Variants in TMEM216 observed in about 807,000 individuals in gnomAD.
TMEM216 encodes cerebello-oculo-renal syndrome 2.
A neutral mutation model predicts 17.8 loss-of-function variants in TMEM216; 15 were observed. The observed-to-expected ratio is 0.84, with a 90% CI of 0.56 to 1.30. The LOEUF (loss-of-function observed/expected upper bound fraction) is 1.30. Among genes scored for constraint, TMEM216 ranks in the 50% most tolerant of loss-of-function variants. TMEM216 has a pLI of 0.00. For synonymous variants in TMEM216, 58 were observed against 73.5 expected (o/e 0.79, Z 1.08); for missense variants, 160 against 175.7 (o/e 0.91, Z 0.51).
chr11:61,398,161 C>A, intron 4 of TMEM216, 109 bp from the exon 5 acceptor site: 2 of 1,457,288 alleles, frequency 1.4e-6, no homozygotes, highest in Admixed American at 1.9e-5. Flanking sequence ...GGAAGATACT[C>A]TCCCTATCCT....
chr11:61,392,929 T>C (rs906930375), intron 1 of TMEM216: 2 of 953,346 alleles, frequency 2.1e-6, no homozygotes, highest in Non-Finnish European at 2.5e-6. Context: ...CGCCCCAACT[T>C]CCCCTCCCAA....
At position 61,393,867 on chromosome 11, in the gene TMEM216, G is replaced by A. The variant is rs747600105; in HGVS notation, c.137-17G>A. 6.2e-6 allele frequency: 10 copies of A among 1,610,548 alleles called. No individual in the cohort carries two copies. Among genetic ancestry groups the A allele is most frequent in the Non-Finnish European group, 8.5e-6 (10 of 1,177,358 alleles). On this transcript the variant is annotated splice_polypyrimidine_tract_variant and intron_variant, in intron 2 of 4. Transcript: ENST00000515837. ...CTGTTATATGCTGTTTGCAAACTCT[G>A]GCTTTTGTATTGGCAGGTGTCCTGC... is the stretch of plus-strand genomic sequence containing the variant.
chr11:61,392,925 A>G (rs894433127), intron 1 of TMEM216: 131 of 961,418 alleles, frequency 1.4e-4, no homozygotes, highest in Non-Finnish European at 1.6e-4. Context: ...TCTGCGCCCC[A>G]ACTTCCCCTC....
chr11:61,398,528 C>A lies in TMEM216; in HGVS notation c.*252C>A, dbSNP rs1858853536. On this transcript the variant is annotated 3_prime_UTR_variant, in exon 5 of 5. Coordinates refer to ENST00000515837, the MANE Select transcript of TMEM216 (RefSeq NM_001173990.3). ...AGGGGCAAGGTTATTCCCATCCTGC[C>A]CCTTCTCAGAACCAGTCCCCTGCTG... 4 of 531,670 alleles carry A rather than the reference C, an allele frequency of 7.5e-6. No homozygotes were observed. The East Asian group carries it at 1.2e-4, about 16-fold the overall frequency. 32.9% of individuals were successfully genotyped at this position (531,670 alleles called of 1,614,324 possible).
chr11:61,398,120 G>A, intron 4 of TMEM216, 145 bp downstream of exon 4: 1 of 1,392,340 alleles, frequency 7.2e-7, no homozygotes, highest in Non-Finnish European at 1.0e-6. Context: ...TGCCTTTCCT[G>A]TTTAGGGTAG....
At chr11:61,394,986 T>A (rs1858768422) in intron 3 of TMEM216, among the ~76,000 whole-genome samples, 1 of 151,848 alleles carries the variant, frequency 6.6e-6, no homozygotes, top group South Asian at 2.1e-4. Flanking sequence ...TTTAAACATT[T>A]ATTTATTTGA....
chr11:61,395,813 C>T (rs1479413024), intron 3 of TMEM216, among the ~76,000 whole-genome samples: 2 of 151,862 alleles, frequency 1.3e-5, no homozygotes, highest in African/African-American at 4.8e-5. Context: ...TGACAAGATG[C>T]TCAAACTCGC....
chr11:61,398,205 G>A (rs999429744), intron 4 of TMEM216, 65 bp from the exon 5 acceptor site: 10 of 1,590,948 alleles, frequency 6.3e-6, no homozygotes, highest in African/African-American at 2.7e-5. Context: ...TAGAACAGTC[G>A]AGGCCAGCTG....
rs981499631 is a variant in TMEM216 at position 61,393,827 on chromosome 11, C to T, written c.137-57C>T. On this transcript the variant is annotated intron_variant, in intron 2 of 4. Transcript: ENST00000515837. The stretch of plus-strand genomic sequence containing the variant: ...GTCCTCTTTTTTCCCAAGTGTGTGG[C>T]AGTTCTTGTGGGTGCTGTTATATGC... 4 of 1,371,672 alleles carry T rather than the reference C, an allele frequency of 2.9e-6. No homozygotes were observed. The African/African-American group carries it at 5.7e-5, about 20-fold the overall frequency. 85.0% of individuals were successfully genotyped at this position (1,371,672 alleles called of 1,614,324 possible).
chr11:61,397,413 T>C (rs1858824005), intron 3 of TMEM216, among the ~76,000 whole-genome samples: 1 of 152,124 alleles, frequency 6.6e-6, no homozygotes, highest in African/African-American at 2.4e-5. Context: ...GTGATCCACC[T>C]GCCTTGGCCT....
Position 61,398,345 on chromosome 11 carries a change from A to C in TMEM216, c.*69A>C, listed in dbSNP as rs1044532434. On this transcript the variant is annotated 3_prime_UTR_variant, in exon 5 of 5. Transcript: ENST00000515837. Reference sequence around the variant, plus strand: ...ATATTGCTTCTGGTACTTTAGCCACACCAGTGAGAATTGGTGGGGCAAGTT... The same window carrying C: ...ATATTGCTTCTGGTACTTTAGCCACCCCAGTGAGAATTGGTGGGGCAAGTT... 3.2e-6 allele frequency: 5 copies of C among 1,545,764 alleles called. No individual in the cohort carries two copies. Among genetic ancestry groups the C allele is most frequent in the Non-Finnish European group, 4.4e-6 (5 of 1,127,516 alleles).
In TMEM216 at chr11:61,393,977, G is replaced by A. The variant is rs2135191306; in HGVS notation, c.229+1G>A. On this transcript the variant is annotated splice_donor_variant, in intron 3 of 4. Coordinates refer to ENST00000515837, the MANE Select transcript of TMEM216 (RefSeq NM_001173990.3). LOFTEE classifies it high-confidence loss of function. ...ATTGAAGTAATTCGCCTGTTTTTTG[G>A]TAAGTGTTGTCCAGAGAATATTTCC... 1 of 1,613,726 alleles carries A rather than the reference G, an allele frequency of 6.2e-7. No homozygotes were observed. The highest frequency in any genetic ancestry group is 8.5e-7 in the Non-Finnish European group (1 of 1,179,668).
chr11:61,394,087 T>C, intron 3 of TMEM216, 111 bp downstream of exon 3: 1 of 937,750 alleles, frequency 1.1e-6, no homozygotes, highest in South Asian at 1.4e-5. Context: ...ACTGGATCTG[T>C]ATATCCTATT....
Position 61,398,417 on chromosome 11 carries a change from C to A in TMEM216, c.*141C>A. On this transcript the variant is annotated 3_prime_UTR_variant, in exon 5 of 5. Coordinates refer to ENST00000515837, the MANE Select transcript of TMEM216 (RefSeq NM_001173990.3). ...CTTTTCTTCAGCACAGACATTTGGG[C>A]AAGCAACTCAGCATAAGGCCAGTGG... 1 of 873,330 alleles carries A rather than the reference C, an allele frequency of 1.1e-6. No homozygotes were observed. Among genetic ancestry groups the A allele is most frequent in the Non-Finnish European group, 1.8e-6 (1 of 561,810 alleles). The allele number at this position is 873,330 out of a possible 1,614,324, so 54.1% of individuals were successfully genotyped here.
chr11:61,393,859 C>A, intron 2 of TMEM216, 25 bp from the exon 3 acceptor site: 1 of 1,604,784 alleles, frequency 6.2e-7, no homozygotes, highest in Non-Finnish European at 8.5e-7. Flanking sequence ...ATGCTGTTTG[C>A]AAACTCTGGC....
chr11:61,392,656 G>T lies in TMEM216; in HGVS notation c.25G>T (p.Ala9Ser). 6.5e-7 allele frequency: 1 copy of T among 1,536,102 alleles called. No individual in the cohort carries two copies. Among genetic ancestry groups the T allele is most frequent in the Non-Finnish European group, 8.7e-7 (1 of 1,146,910 alleles). MLPRGLKM[A>S]PRGKRLSSTP... Reference sequence around the variant, plus strand: ...TATGCTGCCACGGGGACTGAAGATGGCGCCGCGAGGTGAGATTCCGGAGGT... The same window carrying T: ...TATGCTGCCACGGGGACTGAAGATGTCGCCGCGAGGTGAGATTCCGGAGGT... Residue 9 changes from alanine to serine, a missense_variant, in exon 1 of 5, where the codon GCG becomes TCG. Ala to Ser is a moderately conservative substitution (Grantham distance 99). Transcript: ENST00000515837.
rs562097958 is a variant in TMEM216 at position 61,397,632 on chromosome 11, G to A, written c.230-142G>A. 2.0e-3 allele frequency: 1,355 copies of A among 690,182 alleles called. 6 individuals carry two copies. The highest frequency in any genetic ancestry group is 3.1e-3 in the Non-Finnish European group (1,258 of 407,520). 42.8% of individuals were successfully genotyped at this position (690,182 alleles called of 1,614,324 possible). On this transcript the variant is annotated intron_variant, in intron 3 of 4. Transcript: ENST00000515837. The stretch of plus-strand genomic sequence containing the variant: ...TCCTAAGCCTCAAACTTTTAGTACA[G>A]TGGGACCCCATTTATAAATCTGCAC...
chr11:61,397,955 C>T lies in TMEM216; in HGVS notation c.411C>T (p.Leu137=). The T allele has an allele frequency of 6.2e-7, 1 of 1,613,856 alleles. No homozygotes were observed. Among genetic ancestry groups the T allele is most frequent in the Non-Finnish European group, 8.5e-7 (1 of 1,179,908 alleles). The change falls in exon 4 of 5, where the codon CTC becomes CTT. Residue 137 remains leucine (L), a synonymous_variant. Transcript: ENST00000515837. The part of the protein sequence containing the change: ...FCGSELLLEV[L]TLAAFSRI ...GCTCAGAGCTTTTACTTGAGGTGCT[C>T]ACCTTGGCTGCTTTCTCCAGGTACT...
At chr11:61,392,981 A>T in intron 1 of TMEM216, 2 of 711,206 alleles carry the variant, frequency 2.8e-6, no homozygotes, top group Non-Finnish European at 3.5e-6. Context: ...GTCAGCTGCG[A>T]GTTACCTCTT....
Sources: gnomAD v4.1 joint callset for allele counts (sites outside exome capture counted in the v4.1 genomes callset) on GRCh38, gnomAD v4.1.1 for gene constraint, MANE v1.5 for transcripts, NCBI Gene and HGNC (gene_info 2026-07-23, HGNC 2026-07-21) for gene names.